The following CAMK2D variants were observed in gnomAD, a reference collection of about 807,000 sequenced individuals.
CAMK2D encodes the protein calcium/calmodulin dependent protein kinase II delta, also known as calcium/calmodulin-dependent protein kinase type II subunit delta.
In CAMK2D, 37 loss-of-function variants were observed where a neutral mutation model predicts 84.0. The observed-to-expected ratio is 0.44, with a 90% CI of 0.34 to 0.58. The LOEUF is 0.58. Among genes scored for constraint, CAMK2D ranks in the 20% least tolerant of loss-of-function variants. The pLI is 0.02. For synonymous variants in CAMK2D, 202 were observed against 212.5 expected (o/e 0.95, Z 0.43); for missense variants, 448 against 652.5 (o/e 0.69, Z 3.41).
chr4:113,686,861 TAC>T (rs36009295), intron 2 of CAMK2D, among the ~76,000 whole-genome samples: 32,834 of 148,264 alleles, frequency 0.22, 3,703 homozygotes, highest in South Asian at 0.33. Context: ...GGTATGTGTA[TAC>T]ACACACACAC....
intron 1 of CAMK2D, 73 bp from the exon 2 acceptor site, chr4:113,759,487 C>T: frequency 2.1e-6 from 2 of 931,944 alleles, no homozygotes; most frequent in Non-Finnish European, 3.2e-6. Context: ...AAAATCTGAG[C>T]ATTTTTATTG....
chr4:113,452,487 A>G lies in CAMK2D; in HGVS notation c.*2058T>C, dbSNP rs191496065. 4 of 152,740 alleles carry G rather than the reference A, an allele frequency of 2.6e-5. No individual in the cohort carries two copies. Among genetic ancestry groups the G allele is most frequent in the East Asian group, 1.9e-4 (1 of 5,192 alleles). The allele number at this position is 152,740 out of a possible 1,614,324, so 9.5% of individuals were successfully genotyped here. ...CCTTTACCATTATGGCAAGAAATAT[A>G]TACAGTGTCCCATGGTAAACTGCAG... On this transcript the variant is annotated 3_prime_UTR_variant, in exon 21 of 21. Coordinates refer to ENST00000511664, the MANE Select transcript of CAMK2D (RefSeq NM_001321571.2).
chr4:113,568,290 C>T (rs2098735333), intron 4 of CAMK2D, among the ~76,000 whole-genome samples: 2 of 152,204 alleles, frequency 1.3e-5, no homozygotes, highest in South Asian at 4.1e-4. Flanking sequence ...TATGAATTTG[C>T]CTATTCTAAT....
At chr4:113,612,353 C>A (rs1044238424) in intron 3 of CAMK2D, among the ~76,000 whole-genome samples, 6 of 152,120 alleles carry the variant, frequency 3.9e-5, no homozygotes, top group African/African-American at 1.4e-4. Context: ...GATTGAAAAT[C>A]ATGTTTACTT....
chr4:113,745,633 T>A (rs946101690), intron 2 of CAMK2D, among the ~76,000 whole-genome samples: 3 of 152,238 alleles, frequency 2.0e-5, no homozygotes, highest in Non-Finnish European at 2.9e-5. Flanking sequence ...ATAGTAGATA[T>A]AGGCTGTCAC....
At chr4:113,600,726 G>A (rs1451974540) in intron 4 of CAMK2D, among the ~76,000 whole-genome samples, 5 of 152,076 alleles carry the variant, frequency 3.3e-5, no homozygotes, top group African/African-American at 7.2e-5. Flanking sequence ...TTGATGAACC[G>A]GGCTCAAGTG....
chr4:113,521,807 T>A (rs1273792666), intron 8 of CAMK2D, among the ~76,000 whole-genome samples: 4 of 152,338 alleles, frequency 2.6e-5, no homozygotes, highest in African/African-American at 9.6e-5. Context: ...GATGTATTGA[T>A]ACAATGTTTC....
chr4:113,737,525 A>G (rs1186901731), intron 2 of CAMK2D, among the ~76,000 whole-genome samples: 1 of 152,132 alleles, frequency 6.6e-6, no homozygotes, highest in African/African-American at 2.4e-5. Context: ...ATAGAGTTCT[A>G]GTGAAGGAAG....
At chr4:113,713,439 A>C (rs2099500571) in intron 2 of CAMK2D, among the ~76,000 whole-genome samples, 1 of 148,412 alleles carries the variant, frequency 6.7e-6, no homozygotes, top group Non-Finnish European at 1.5e-5. Context: ...ATTAAATGTA[A>C]ACTTGTGATA....
At chr4:113,705,464 A>G (rs6842343) in intron 2 of CAMK2D, among the ~76,000 whole-genome samples, 27,503 of 152,070 alleles carry the variant, frequency 0.18, 4,671 homozygotes, top group African/African-American at 0.45. Context: ...ACACACAAGG[A>G]ACCACCCAAA....
At chr4:113,753,871 C>T in intron 2 of CAMK2D, 2 of 984,602 alleles carry the variant, frequency 2.0e-6, no homozygotes, top group Non-Finnish European at 1.2e-6. Flanking sequence ...ATATGAAAGG[C>T]TTTCTTTATC....
At chr4:113,494,294 A>T (rs1459779365) in intron 16 of CAMK2D, among the ~76,000 whole-genome samples, 1 of 152,044 alleles carries the variant, frequency 6.6e-6, no homozygotes, top group Non-Finnish European at 1.5e-5. Context: ...GTCTTTGATG[A>T]TGGTGATATA....
chr4:113,602,893 C>A (rs1204215277), intron 4 of CAMK2D, among the ~76,000 whole-genome samples: 1 of 152,198 alleles, frequency 6.6e-6, no homozygotes, highest in East Asian at 1.9e-4. Context: ...TTCAAGCCAA[C>A]ACATATGTTC....
intron 12 of CAMK2D, among the ~76,000 whole-genome samples, 188 bp from the exon 13 acceptor site, chr4:113,509,863 G>C (rs1310745739): frequency 6.6e-6 from 1 of 152,132 alleles, no homozygotes; most frequent in African/African-American, 2.4e-5. Context: ...CACTTTTCTT[G>C]GTTTGCCACA....
At chr4:113,683,327 A>G (rs2099350971) in intron 2 of CAMK2D, among the ~76,000 whole-genome samples, 2 of 152,140 alleles carry the variant, frequency 1.3e-5, no homozygotes, top group Non-Finnish European at 2.9e-5. Flanking sequence ...GTGACTGAAA[A>G]CCAGACAGGG....
chr4:113,728,840 A>G (rs1336856475), intron 2 of CAMK2D, among the ~76,000 whole-genome samples: 2 of 152,206 alleles, frequency 1.3e-5, no homozygotes, highest in African/African-American at 4.8e-5. Flanking sequence ...AACACTTACT[A>G]CAGTGCAAGA....
At chr4:113,557,152 C>A (rs4834353) in intron 4 of CAMK2D, among the ~76,000 whole-genome samples, 8,135 of 152,210 alleles carry the variant, frequency 0.053, 306 homozygotes, top group Non-Finnish European at 0.076. Context: ...TAAGTCTCTG[C>A]TATCTCTCAC....
chr4:113,574,595 T>C (rs559691135), intron 4 of CAMK2D, among the ~76,000 whole-genome samples: 46 of 152,348 alleles, frequency 3.0e-4, no homozygotes, highest in African/African-American at 1.1e-3. Context: ...ATACTTCTTT[T>C]TCACTTTTAA....
At chr4:113,739,723 C>T (rs1047054476) in intron 2 of CAMK2D, among the ~76,000 whole-genome samples, 3 of 152,134 alleles carry the variant, frequency 2.0e-5, no homozygotes, top group Admixed American at 1.3e-4. Flanking sequence ...TGATATAATA[C>T]TTCTCATTTA....
Sources: gnomAD v4.1 joint callset for allele counts (sites outside exome capture counted in the v4.1 genomes callset) on GRCh38, gnomAD v4.1.1 for gene constraint, MANE v1.5 for transcripts, NCBI Gene and HGNC (gene_info 2026-07-23, HGNC 2026-07-21) for gene names.